The following ZBTB37 variants were observed in gnomAD, a reference collection of about 807,000 sequenced individuals.
ZBTB37 encodes zinc finger and BTB domain containing 37, also known as zinc finger and BTB domain-containing protein 37.
Under a neutral mutation model 37.7 loss-of-function variants are expected in ZBTB37, and 15 were observed. That is an observed-to-expected ratio of 0.40 (90% CI 0.27 to 0.61). ZBTB37 has a LOEUF of 0.61. Ranked by LOEUF, ZBTB37 falls within the 20% of genes least tolerant of loss-of-function variation. The pLI, the probability that ZBTB37 is intolerant of heterozygous loss-of-function variation, is 0.44. For synonymous variants in ZBTB37, 231 were observed against 220.6 expected (o/e 1.05, Z -0.42); for missense variants, 514 against 641.9 (o/e 0.80, Z 2.15).
intron 3 of ZBTB37, 79 bp from the exon 4 acceptor site, chr1:173,873,388 A>C: frequency 7.0e-7 from 1 of 1,437,272 alleles, no homozygotes. Flanking sequence ...CCATAGAATA[A>C]AGAGGGGCGA....
intron 3 of ZBTB37, among the ~76,000 whole-genome samples, chr1:173,871,899 T>C (rs1431756971): frequency 6.6e-6 from 1 of 152,210 alleles, no homozygotes; most frequent in Non-Finnish European, 1.5e-5. Context: ...AAAGAAATAT[T>C]ACTAATTTAG....
In ZBTB37 at chr1:173,870,638, T is replaced by G; in HGVS notation, c.413T>G (p.Leu138Ter). Residue 138 changes from leucine (L) to a stop codon, truncating the protein, a stop_gained, in exon 3 of 5, where the codon TTA becomes TGA. Coordinates refer to ENST00000427304, the Ensembl canonical transcript of ZBTB37. LOFTEE classifies it high-confidence loss of function. Reference sequence around the variant, plus strand: ...AATGTGGCTGAGGTTGAAGCAGAATTAAGTCAAACAAGGACAAAGCATCAA... The same window carrying G: ...AATGTGGCTGAGGTTGAAGCAGAATGAAGTCAAACAAGGACAAAGCATCAA... 1 of 1,614,122 alleles carries G rather than the reference T, an allele frequency of 6.2e-7. No individual in the cohort carries two copies. The highest frequency in any genetic ancestry group is 1.1e-5 in the South Asian group (1 of 91,080).
exon 4 of ZBTB37, chr1:173,903,016 G>C (rs1657328889): frequency 6.6e-6 from 1 of 152,210 alleles, no homozygotes; most frequent in Non-Finnish European, 1.5e-5. Context: ...AACTTTGGTG[G>C]TGTTTTGTGG....
At chr1:173,881,356 G>A (rs942867878) in intron 4 of ZBTB37, among the ~76,000 whole-genome samples, 4 of 152,086 alleles carry the variant, frequency 2.6e-5, no homozygotes, top group African/African-American at 9.7e-5. Flanking sequence ...GTCTATCATT[G>A]TGGACATTTG....
In ZBTB37 at chr1:173,880,867, G is replaced by C. The variant is rs529691217; in HGVS notation, c.1024-4769G>C. ...ATGTTTGTGCTCACAGTTTATCACT[G>C]ATTACTAAAATGCATTTACTTTCTG... On this transcript the variant is annotated intron_variant, in intron 4 of 4. Transcript: ENST00000427304. Among the ~76,000 whole-genome samples the C allele has an allele frequency of 2.0e-5, 3 of 152,172 alleles. No individual in the cohort carries two copies. In the South Asian group the frequency reaches 6.2e-4, roughly 32 times the overall value.
At chr1:173,892,119 T>C (rs1187780389) in exon 4 of ZBTB37, 1 of 152,188 alleles carries the variant, frequency 6.6e-6, no homozygotes, top group Non-Finnish European at 1.5e-5. Context: ...ATAGTAACAG[T>C]AGGTTTTTGA....
chr1:173,871,600 A>G (rs1286427254), intron 3 of ZBTB37, among the ~76,000 whole-genome samples: 2 of 152,222 alleles, frequency 1.3e-5, no homozygotes, highest in Non-Finnish European at 2.9e-5. Flanking sequence ...AATTAGAGGA[A>G]GTATGGTACC....
intron 3 of ZBTB37, among the ~76,000 whole-genome samples, chr1:173,872,219 C>G (rs1327300461): frequency 6.6e-6 from 1 of 151,930 alleles, no homozygotes; most frequent in African/African-American, 2.4e-5. Context: ...CAGGTCCCTG[C>G]CCCCATGCTC....
chr1:173,883,202 G>A (rs2102745766), intron 4 of ZBTB37, among the ~76,000 whole-genome samples: 1 of 152,266 alleles, frequency 6.6e-6, no homozygotes, highest in South Asian at 2.1e-4. Context: ...CTGTTGGCTG[G>A]GCCTGGTGGC....
chr1:173,873,006 CAAAA>C (rs202221478), intron 3 of ZBTB37, among the ~76,000 whole-genome samples: 2 of 121,914 alleles, frequency 1.6e-5, no homozygotes, highest in Non-Finnish European at 1.7e-5. Flanking sequence ...GACTCTGTCT[CAAAA>C]AAAAAAAAAA....
At chr1:173,873,472 G>A in exon 4 of ZBTB37, 1 of 1,605,880 alleles carries the variant, frequency 6.2e-7, no homozygotes, top group South Asian at 1.1e-5. Context: ...AACAGATTTA[G>A]CCCCTCCGGC....
At chr1:173,886,507 A>G (rs1190476987) in exon 5 of ZBTB37, 1 of 170,126 alleles carries the variant, frequency 5.9e-6, no homozygotes, top group African/African-American at 2.4e-5. Context: ...GCCCGGATCT[A>G]AAAAATGCAG....
At chr1:173,879,109 A>AG (rs1656152613) in intron 4 of ZBTB37, among the ~76,000 whole-genome samples, 1 of 151,550 alleles carries the variant, frequency 6.6e-6, no homozygotes, top group African/African-American at 2.4e-5. Flanking sequence ...AAAAAAAAAA[A>AG]TCAGCATTTA....
intron 3 of ZBTB37, among the ~76,000 whole-genome samples, chr1:173,872,872 T>A (rs957093953): frequency 6.6e-5 from 10 of 151,918 alleles, no homozygotes; most frequent in Non-Finnish European, 8.8e-5. Flanking sequence ...CTGAGCGTGG[T>A]GGCACGCACC....
At chr1:173,874,159 G>T (rs977766204) in intron 4 of ZBTB37, among the ~76,000 whole-genome samples, 3 of 150,584 alleles carry the variant, frequency 2.0e-5, no homozygotes, top group Non-Finnish European at 3.0e-5. Context: ...AGAGGCTGAG[G>T]CAGGACAATG....
chr1:173,871,135 A>G (rs1333388361), exon 3 of ZBTB37: 18 of 1,601,254 alleles, frequency 1.1e-5, no homozygotes, highest in Non-Finnish European at 1.5e-5. Context: ...GCCAACAAGC[A>G]GTGAAGTTGA....
intron 4 of ZBTB37, among the ~76,000 whole-genome samples, chr1:173,879,527 A>G (rs1656179630): frequency 6.6e-6 from 1 of 152,192 alleles, no homozygotes. Flanking sequence ...CCCACTTTTA[A>G]GAAGAGGGCT....
At chr1:173,869,176 A>G (rs895052990) in intron 2 of ZBTB37, 56 bp downstream of exon 2, 1 of 152,426 alleles carries the variant, frequency 6.6e-6, no homozygotes, top group African/African-American at 2.4e-5. Flanking sequence ...CCTATTTAAT[A>G]AGTGTGTTGT....
At chr1:173,874,629 GT>G (rs1655818836) in intron 4 of ZBTB37, among the ~76,000 whole-genome samples, 1 of 152,268 alleles carries the variant, frequency 6.6e-6, no homozygotes, top group African/African-American at 2.4e-5. Flanking sequence ...GGGATTACAG[GT>G]GTGAGCCACT....
Sources: allele counts gnomAD v4.1 joint callset (sites outside exome capture counted in the v4.1 genomes callset), GRCh38; gene constraint gnomAD v4.1.1; transcripts MANE v1.5; gene names NCBI Gene and HGNC (gene_info 2026-07-23, HGNC 2026-07-21).